The following ARFGEF2 variants were observed in gnomAD, a reference collection of about 807,000 sequenced individuals.
ARFGEF2 encodes ARF guanine nucleotide exchange factor 2, also known as brefeldin A-inhibited guanine nucleotide-exchange protein 2.
Under a neutral mutation model 219.9 loss-of-function variants are expected in ARFGEF2, and 74 were observed. The ratio of observed to expected loss-of-function variants is 0.34; its 90% confidence interval spans 0.28 to 0.41. The LOEUF (loss-of-function observed/expected upper bound fraction) is 0.41. Ranked by LOEUF, ARFGEF2 falls within the 10% of genes least tolerant of loss-of-function variation. ARFGEF2 has a pLI of 1.00. For missense variants in ARFGEF2, 1,743 were observed against 2,218.3 expected (o/e 0.79, Z 4.30); for synonymous variants, 733 against 799.2 (o/e 0.92, Z 1.40).
chr20:48,958,603 AT>A (rs111862053), intron 6 of ARFGEF2, among the ~76,000 whole-genome samples: 47,577 of 147,740 alleles, frequency 0.32, 7,680 homozygotes, highest in East Asian at 0.48. Context: ...CGCCTGGCTA[AT>A]TTTTTTTTTT....
chr20:48,950,207 G>A (rs566149154), intron 3 of ARFGEF2, among the ~76,000 whole-genome samples: 39 of 152,218 alleles, frequency 2.6e-4, no homozygotes, highest in African/African-American at 9.4e-4. Flanking sequence ...GCAGCTGCTC[G>A]TGGGTGACAC....
chr20:49,018,749 T>A, intron 33 of ARFGEF2, 135 bp from the exon 34 acceptor site: 1 of 703,716 alleles, frequency 1.4e-6, no homozygotes, highest in Non-Finnish European at 2.6e-6. Flanking sequence ...ACATTAAGCA[T>A]GTAGTATCAT....
In ARFGEF2 at chr20:49,033,239, T is replaced by C; in HGVS notation, c.*40T>C. The C allele has an allele frequency of 2.5e-6, 4 of 1,609,486 alleles. No homozygotes were observed. Among genetic ancestry groups the C allele is most frequent in the Non-Finnish European group, 3.4e-6 (4 of 1,176,210 alleles). ...GCCAGTGCTGCAGCTCTGCAGAATG[T>C]TCAGCATGCCATTTCTGACTGGCAC... On this transcript the variant is annotated 3_prime_UTR_variant, in exon 39 of 39. Coordinates refer to ENST00000371917, the MANE Select transcript of ARFGEF2 (RefSeq NM_006420.3).
At chr20:48,944,910 T>C (rs1291799948) in intron 3 of ARFGEF2, among the ~76,000 whole-genome samples, 1 of 152,182 alleles carries the variant, frequency 6.6e-6, no homozygotes, top group African/African-American at 2.4e-5. Flanking sequence ...TGGGTTGGTG[T>C]AACAGAATAT....
At chr20:48,973,689 T>C (rs1201763072) in intron 12 of ARFGEF2, among the ~76,000 whole-genome samples, 1 of 152,154 alleles carries the variant, frequency 6.6e-6, no homozygotes, top group Non-Finnish European at 1.5e-5. Flanking sequence ...GCAGAATACC[T>C]CATTAGAGCA....
chr20:48,976,578 G>T (rs563866851), intron 14 of ARFGEF2, among the ~76,000 whole-genome samples: 1 of 152,328 alleles, frequency 6.6e-6, no homozygotes, highest in East Asian at 1.9e-4. Context: ...GGAGGCTGAG[G>T]CAGGTGGATC....
rs12625370 is a variant in ARFGEF2, at chr20:48,939,239, C to T, written c.122-1960C>T. Among the ~76,000 whole-genome samples, 246 of 152,198 alleles carry T rather than the reference C, an allele frequency of 1.6e-3. 3 individuals carry two copies. The East Asian group carries it at 0.042, about 26-fold the overall frequency. ...CTGCCTGCCTCGGCCTCCCAAAATGCTGGGATTACAGGCATGAGCCACCGC... is the reference window on the plus strand; with the variant it reads ...CTGCCTGCCTCGGCCTCCCAAAATGTTGGGATTACAGGCATGAGCCACCGC... On this transcript the variant is annotated intron_variant, in intron 1 of 38. Transcript: ENST00000371917.
chr20:49,032,287 C>T (rs2091640664), intron 38 of ARFGEF2, 121 bp downstream of exon 38: 2 of 775,520 alleles, frequency 2.6e-6, no homozygotes, highest in Admixed American at 3.5e-5. Flanking sequence ...GTGACTAGCA[C>T]CATTCTAGAT....
chr20:48,921,848 C>G lies in ARFGEF2; in HGVS notation c.-42C>G. On this transcript the variant is annotated 5_prime_UTR_variant, in exon 1 of 39. Coordinates refer to ENST00000371917, the MANE Select transcript of ARFGEF2 (RefSeq NM_006420.3). ...AGCCTAGCTCGCCATCTCGCTCACG[C>G]CGCCCGCCCGCGGGGCCGTCAGCCC... 6.7e-7 allele frequency: 1 copy of G among 1,495,580 alleles called. No homozygotes were observed. The highest frequency in any genetic ancestry group is 8.9e-7 in the Non-Finnish European group (1 of 1,118,170). The allele number at this position is 1,495,580 out of a possible 1,614,324, so 92.6% of individuals were successfully genotyped here. A position where few individuals can be genotyped will look rare whatever the true frequency, so the allele number is the denominator to read the frequency against.
At position 48,938,975 on chromosome 20, in the gene ARFGEF2, TG is replaced by T. The variant is rs202198283; in HGVS notation, c.122-2223del. Among the ~76,000 whole-genome samples the T allele has an allele frequency of 4.9e-3, 729 of 148,582 alleles. 29 individuals carry two copies. The highest frequency in any genetic ancestry group is 0.024 in the Admixed American group (341 of 14,498). On this transcript the variant is annotated intron_variant, in intron 1 of 38. Transcript: ENST00000371917. ...TTTGGTTTGTTTTATGGGTTTTTTT[TG>T]TTTGTTTTTTTTTTTTTTGAGAAAG...
intron 14 of ARFGEF2, among the ~76,000 whole-genome samples, chr20:48,977,312 C>G (rs1369013259): frequency 6.6e-6 from 1 of 152,110 alleles, no homozygotes; most frequent in Non-Finnish European, 1.5e-5. Context: ...TGAACTCATC[C>G]TTTCTTATGA....
At chr20:48,928,388 C>CG (rs989482569) in intron 1 of ARFGEF2, among the ~76,000 whole-genome samples, 23 of 145,556 alleles carry the variant, frequency 1.6e-4, no homozygotes, top group African/African-American at 4.8e-4. Context: ...TTAGTAGAGA[C>CG]GGGGTTTCAC....
At chr20:48,976,345 C>A (rs1201332687) in intron 14 of ARFGEF2, 146 bp downstream of exon 14, 2 of 968,716 alleles carry the variant, frequency 2.1e-6, no homozygotes, top group African/African-American at 1.6e-5. Flanking sequence ...GCCAGGCAAT[C>A]AGTAAATGAG....
intron 1 of ARFGEF2, among the ~76,000 whole-genome samples, chr20:48,938,286 C>A (rs1277728896): frequency 6.6e-6 from 1 of 152,198 alleles, no homozygotes; most frequent in Non-Finnish European, 1.5e-5. Flanking sequence ...TCCTTAAAAG[C>A]CACTTTTAGC....
At chr20:48,949,317 T>C (rs533623755) in intron 3 of ARFGEF2, among the ~76,000 whole-genome samples, 1 of 152,194 alleles carries the variant, frequency 6.6e-6, no homozygotes, top group Non-Finnish European at 1.5e-5. Context: ...GAGGAGTTCC[T>C]AGACCACCCC....
intron 25 of ARFGEF2, among the ~76,000 whole-genome samples, chr20:49,003,646 G>T (rs2091438209): frequency 2.0e-5 from 3 of 152,144 alleles, no homozygotes; most frequent in Admixed American, 1.3e-4. Flanking sequence ...CATCAGGTCA[G>T]ACCACATATC....
intron 22 of ARFGEF2, 143 bp downstream of exon 22, chr20:48,994,741 G>C: frequency 2.4e-6 from 3 of 1,242,144 alleles, no homozygotes; most frequent in Non-Finnish European, 3.4e-6. Context: ...AAGTGGACGT[G>C]CTGCTTTGGC....
intron 35 of ARFGEF2, among the ~76,000 whole-genome samples, chr20:49,024,362 A>AG (rs1163829771): frequency 6.6e-5 from 10 of 152,182 alleles, no homozygotes; most frequent in Non-Finnish European, 1.5e-4. Flanking sequence ...TCAGTGCTTC[A>AG]GGGGCTAGCA....
chr20:48,989,918 G>A (rs1386865537), intron 20 of ARFGEF2, among the ~76,000 whole-genome samples: 1 of 152,172 alleles, frequency 6.6e-6, no homozygotes, highest in East Asian at 1.9e-4. Context: ...AGTGGCTCAC[G>A]CCTGTAATCC....
Sources: gnomAD v4.1 joint callset for allele counts (sites outside exome capture counted in the v4.1 genomes callset) on GRCh38, gnomAD v4.1.1 for gene constraint, MANE v1.5 for transcripts, NCBI Gene and HGNC (gene_info 2026-07-23, HGNC 2026-07-21) for gene names.